Variants in ADARB2 observed in about 807,000 individuals in gnomAD.
ADARB2 encodes adenosine deaminase RNA specific B2 (inactive).
In ADARB2, 25 loss-of-function variants were observed where a neutral mutation model predicts 62.2. That is an observed-to-expected ratio of 0.40 (90% CI 0.29 to 0.56). ADARB2 has a LOEUF of 0.56. Ranked by LOEUF, ADARB2 falls within the 20% of genes least tolerant of loss-of-function variation. ADARB2 has a pLI of 0.43. For synonymous variants in ADARB2, 572 were observed against 500.8 expected, an observed-to-expected ratio of 1.14 and a Z score of -1.90; for missense variants, 1,071 against 1,077.4, an observed-to-expected ratio of 0.99 and a Z score of 0.08.
chr10:1,183,270 T>C lies in ADARB2; in HGVS notation c.2143A>G (p.Lys715Glu). ...CCCAGGCCAGCCTTCTGAAAGGCCT[T>C]GAACAGCTGCTGTTTCACAGACTGG... ...TYQSVKQQLF[K>E]AFQKAGLGTW... Residue 715 changes from lysine to glutamate, a missense_variant, in exon 10 of 10, where the codon AAG (lysine) becomes GAG (glutamate). By Grantham distance (56) the Lys-to-Glu change is moderately conservative. Coordinates refer to ENST00000381312, the MANE Select transcript of ADARB2 (RefSeq NM_018702.4). 1 of 1,614,134 alleles carries C rather than the reference T, an allele frequency of 6.2e-7. No individual in the cohort carries two copies. The highest frequency in any genetic ancestry group is 8.5e-7 in the Non-Finnish European group (1 of 1,180,028).
At chr10:1,532,916 C>T (rs1363735944) in intron 1 of ADARB2, among the ~76,000 whole-genome samples, 1 of 152,158 alleles carries the variant, frequency 6.6e-6, no homozygotes, top group African/African-American at 2.4e-5. Flanking sequence ...AGGAGCCTCG[C>T]CTCACCTGCG....
At chr10:1,225,453 T>G (rs1038427272) in intron 6 of ADARB2, among the ~76,000 whole-genome samples, 2 of 152,176 alleles carry the variant, frequency 1.3e-5, no homozygotes, top group African/African-American at 4.8e-5. Flanking sequence ...ATCCTGTCAT[T>G]ATGATGTTAG....
chr10:1,593,386 G>C lies in ADARB2; in HGVS notation c.100+143665C>G, dbSNP rs111411112. ...CTGGCATGGTCCCCTCTGTCACCCA[G>C]CTCCCCTTGCCCTAGCCATGCTCCA... On this transcript the variant is annotated intron_variant, in intron 1 of 9. Coordinates refer to ENST00000381312, the MANE Select transcript of ADARB2 (RefSeq NM_018702.4). 4.0e-4 allele frequency among the ~76,000 whole-genome samples: 61 copies of C among 152,284 alleles called. 1 individual carries two copies. The highest frequency in any genetic ancestry group is 1.3e-3 in the African/African-American group (56 of 41,554).
chr10:1,524,094 A>G (rs967670556), intron 1 of ADARB2, among the ~76,000 whole-genome samples: 3 of 152,130 alleles, frequency 2.0e-5, no homozygotes, highest in Admixed American at 1.3e-4. Context: ...AGATAGATAG[A>G]TAGATAGATT....
intron 1 of ADARB2, among the ~76,000 whole-genome samples, chr10:1,389,956 C>A (rs1268789546): frequency 1.3e-5 from 2 of 151,896 alleles, no homozygotes; most frequent in African/African-American, 4.8e-5. Context: ...GATATTTAAC[C>A]AAGATAAATG....
chr10:1,396,422 T>C (rs1832614200), intron 1 of ADARB2, among the ~76,000 whole-genome samples: 1 of 152,176 alleles, frequency 6.6e-6, no homozygotes. Flanking sequence ...CTGTCATTCA[T>C]TACTTCCATC....
chr10:1,535,947 G>T (rs1832327013), intron 1 of ADARB2, among the ~76,000 whole-genome samples: 1 of 152,196 alleles, frequency 6.6e-6, no homozygotes, highest in African/African-American at 2.4e-5. Flanking sequence ...TCATTTGAAA[G>T]GGAGGCAGAC....
At chr10:1,650,401 G>T (rs988995687) in intron 1 of ADARB2, among the ~76,000 whole-genome samples, 2 of 152,194 alleles carry the variant, frequency 1.3e-5, no homozygotes, top group Admixed American at 1.3e-4. Flanking sequence ...CCTTTGACAA[G>T]CTAAGTACTC....
At chr10:1,480,624 G>A (rs969731812) in intron 1 of ADARB2, among the ~76,000 whole-genome samples, 4 of 150,888 alleles carry the variant, frequency 2.7e-5, no homozygotes, top group Non-Finnish European at 4.4e-5. Flanking sequence ...TGTGAACCTG[G>A]GAGGCGGAGC....
chr10:1,262,487 C>T (rs556957387), intron 4 of ADARB2, among the ~76,000 whole-genome samples: 40 of 152,154 alleles, frequency 2.6e-4, no homozygotes, highest in African/African-American at 8.0e-4. Context: ...TATGAACAGA[C>T]ACTTCTCAAA....
chr10:1,526,911 C>T, intron 1 of ADARB2: 1 of 425,602 alleles, frequency 2.3e-6, no homozygotes, highest in Non-Finnish European at 5.0e-6. Context: ...TGAGTCCTGG[C>T]ATAGAAACAT....
chr10:1,629,569 A>G (rs78339848), intron 1 of ADARB2, among the ~76,000 whole-genome samples: 1 of 40,790 alleles, frequency 2.5e-5, no homozygotes, highest in Admixed American at 3.8e-4. Flanking sequence ...CAACCCCCCC[A>G]GCACTCAAGC....
intron 1 of ADARB2, among the ~76,000 whole-genome samples, chr10:1,527,498 C>T (rs546828368): frequency 3.9e-5 from 6 of 152,274 alleles, no homozygotes; most frequent in African/African-American, 1.2e-4. Context: ...TCCACAAAAA[C>T]TAAATTAAAA....
At chr10:1,389,121 T>C (rs1832547899) in intron 1 of ADARB2, among the ~76,000 whole-genome samples, 1 of 152,128 alleles carries the variant, frequency 6.6e-6, no homozygotes, top group Non-Finnish European at 1.5e-5. Context: ...CTACCTCACA[T>C]CATATGTGAA....
Position 1,328,225 on chromosome 10 carries a change from A to G in ADARB2, c.1077+34803T>C, listed in dbSNP as rs555872444. ...TGGAGATGAGCGATTGTGGCGGCACAGGGACCCCTCTATGGGAGGCAAGGA... is the reference window on the plus strand; with the variant it reads ...TGGAGATGAGCGATTGTGGCGGCACGGGGACCCCTCTATGGGAGGCAAGGA... On this transcript the variant is annotated intron_variant, in intron 3 of 9. Coordinates refer to ENST00000381312, the MANE Select transcript of ADARB2 (RefSeq NM_018702.4). Among the ~76,000 whole-genome samples, 108 of 152,374 alleles carry G rather than the reference A, an allele frequency of 7.1e-4. 2 individuals are homozygous for G. Among genetic ancestry groups the G allele is most frequent in the African/African-American group, 2.5e-3 (105 of 41,582 alleles).
At chr10:1,444,333 C>A (rs1830940312) in intron 1 of ADARB2, among the ~76,000 whole-genome samples, 2 of 73,664 alleles carry the variant, frequency 2.7e-5, no homozygotes, top group Non-Finnish European at 2.7e-5. Context: ...TTCCATCCAC[C>A]CAGCCATCCA....
chr10:1,411,981 C>G (rs1832763710), intron 1 of ADARB2, among the ~76,000 whole-genome samples: 1 of 152,214 alleles, frequency 6.6e-6, no homozygotes, highest in Non-Finnish European at 1.5e-5. Flanking sequence ...AACGACGCAT[C>G]AGGCTGAGAG....
chr10:1,578,751 T>TACACCTATGTTTATACACACAGGTAC (rs56211170), intron 1 of ADARB2, among the ~76,000 whole-genome samples: 2 of 151,866 alleles, frequency 1.3e-5, no homozygotes, highest in Non-Finnish European at 2.9e-5. Context: ...CGCACACAGG[T>TACACCTATGTTTATACACACAGGTAC]ACCTATGTTT....
chr10:1,244,491 C>T (rs1192800101), intron 4 of ADARB2, among the ~76,000 whole-genome samples: 1 of 152,214 alleles, frequency 6.6e-6, no homozygotes, highest in Non-Finnish European at 1.5e-5. Flanking sequence ...ACTGCTTTCC[C>T]TTTACCCCTC....
Sources: gnomAD v4.1 joint callset for allele counts (sites outside exome capture counted in the v4.1 genomes callset) on GRCh38, gnomAD v4.1.1 for gene constraint, MANE v1.5 for transcripts, NCBI Gene and HGNC (gene_info 2026-07-23, HGNC 2026-07-21) for gene names.